The following ZNF589 variants were observed in gnomAD, a reference collection of about 807,000 sequenced individuals.
The protein encoded by ZNF589 is KRAB-zinc finger protein SZF1-1.
Under a neutral mutation model 13.6 loss-of-function variants are expected in ZNF589, and 17 were observed. The observed-to-expected ratio is 1.25, with a 90% CI of 0.86 to 1.88. The LOEUF (loss-of-function observed/expected upper bound fraction) is 1.88. ZNF589 is among the 40% of genes most tolerant of loss of function. ZNF589 has a pLI of 0.00. For synonymous variants in ZNF589, 148 were observed against 161.6 expected (o/e 0.92, Z 0.64); for missense variants, 407 against 434.0 (o/e 0.94, Z 0.55).
chr3:48,254,534 T>C (rs1487815387), intron 2 of ZNF589, among the ~76,000 whole-genome samples: 1 of 152,236 alleles, frequency 6.6e-6, no homozygotes, highest in East Asian at 1.9e-4. Context: ...TGGGTTTGCA[T>C]TGAATCTATA....
chr3:48,269,903 A>G lies in ZNF589; in HGVS notation c.*1117A>G. The G allele has an allele frequency of 2.6e-6, 1 of 382,486 alleles. No individual in the cohort carries two copies. The highest frequency in any genetic ancestry group is 5.2e-6 in the Non-Finnish European group (1 of 193,242). The allele number at this position is 382,486 out of a possible 1,614,324, so 23.7% of individuals were successfully genotyped here. On this transcript the variant is annotated 3_prime_UTR_variant, in exon 4 of 4. Transcript: ENST00000354698. ...GGCTGGAAGTGGCCCCTTAAGAGAT[A>G]CTTGGAGTCAAATCTATCCACTGTA...
intron 2 of ZNF589, among the ~76,000 whole-genome samples, chr3:48,256,038 T>C (rs77566041): frequency 6.6e-6 from 1 of 152,282 alleles, no homozygotes; most frequent in African/African-American, 2.4e-5. Flanking sequence ...CTTTTTTTTT[T>C]CAAGCCCATG....
Position 48,269,329 on chromosome 3 carries a change from C to T in ZNF589, c.*543C>T. On this transcript the variant is annotated 3_prime_UTR_variant, in exon 4 of 4. Transcript: ENST00000354698. ...TAGCTCAGTCAACCCTCCACTACCA[C>T]CGGAGTACACACTCCAAGGAAAAAC... The T allele has an allele frequency of 7.8e-7, 1 of 1,281,810 alleles. No homozygotes were observed. The highest frequency in any genetic ancestry group is 1.1e-6 in the Non-Finnish European group (1 of 920,898). 79.4% of individuals were successfully genotyped at this position (1,281,810 alleles called of 1,614,324 possible).
chr3:48,241,262 C>A (rs769764139), intron 1 of ZNF589, 48 bp downstream of exon 1: 1 of 1,601,386 alleles, frequency 6.2e-7, no homozygotes, highest in South Asian at 1.1e-5. Flanking sequence ...GCTCCAGCCG[C>A]AGGCGCCGCG....
chr3:48,256,636 G>A (rs2033905951), intron 2 of ZNF589: 4 of 972,786 alleles, frequency 4.1e-6, no homozygotes, highest in Non-Finnish European at 6.6e-6. Flanking sequence ...TGATCTTTCG[G>A]GGCAGCATGC....
At chr3:48,257,019 T>A in intron 2 of ZNF589, 1 of 552,280 alleles carries the variant, frequency 1.8e-6, no homozygotes, top group African/African-American at 1.9e-5. Context: ...TAAACCCAAG[T>A]GTGGTATGTA....
rs1158574938 is a variant in ZNF589, at chr3:48,269,375, G to T, written c.*589G>T. The T allele has an allele frequency of 2.6e-6, 2 of 766,350 alleles. No individual in the cohort carries two copies. The highest frequency in any genetic ancestry group is 4.1e-6 in the Non-Finnish European group (2 of 488,002). The allele number at this position is 766,350 out of a possible 1,614,324, so 47.5% of individuals were successfully genotyped here. ...AAAACCTTATGTGTGCAGCCAGTGT[G>T]GGCGAGGCTTTTGTGATAAATCAAC... On this transcript the variant is annotated 3_prime_UTR_variant, in exon 4 of 4. Transcript: ENST00000354698.
chr3:48,246,485 TTTA>T, intron 1 of ZNF589, among the ~76,000 whole-genome samples: 1 of 152,290 alleles, frequency 6.6e-6, no homozygotes, highest in Middle Eastern at 3.4e-3. Flanking sequence ...AATTATTATT[TTTA>T]TTATTAGAGA....
At chr3:48,264,964 G>A (rs1412087192) in intron 3 of ZNF589, among the ~76,000 whole-genome samples, 2 of 152,054 alleles carry the variant, frequency 1.3e-5, no homozygotes, top group Admixed American at 6.5e-5. Context: ...TGGGGGTCCA[G>A]TTGGCTTTAA....
intron 1 of ZNF589, among the ~76,000 whole-genome samples, chr3:48,245,808 A>G (rs2033757174): frequency 6.6e-6 from 1 of 151,892 alleles, no homozygotes; most frequent in East Asian, 1.9e-4. Context: ...TTAGCCAGGC[A>G]TGGTGGCAGG....
intron 2 of ZNF589, among the ~76,000 whole-genome samples, chr3:48,257,592 T>A (rs995713442): frequency 1.3e-5 from 2 of 152,168 alleles, no homozygotes; most frequent in Admixed American, 6.5e-5. Flanking sequence ...TATTATTATT[T>A]TTTTTAATGG....
Position 48,268,799 on chromosome 3 carries a change from G to T in ZNF589, c.*13G>T. On this transcript the variant is annotated 3_prime_UTR_variant, in exon 4 of 4. Transcript: ENST00000354698. ...GTGCAGAGATTGAGGCCGAGGCTTT[G>T]TAAGGAGATCATGTCTCAACACACA... 2 of 1,597,860 alleles carry T rather than the reference G, an allele frequency of 1.3e-6. No homozygotes were observed. Among genetic ancestry groups the T allele is most frequent in the Non-Finnish European group, 8.5e-7 (1 of 1,171,862 alleles).
chr3:48,249,490 G>T (rs985401433), intron 2 of ZNF589, among the ~76,000 whole-genome samples: 1 of 152,120 alleles, frequency 6.6e-6, no homozygotes. Context: ...TTATTAAGTA[G>T]AATTCAATAT....
intron 3 of ZNF589, among the ~76,000 whole-genome samples, chr3:48,261,141 A>G (rs2033966229): frequency 6.6e-6 from 1 of 152,174 alleles, no homozygotes; most frequent in Non-Finnish European, 1.5e-5. Context: ...ATATATGTCA[A>G]AGGATAATAA....
At chr3:48,255,313 T>G (rs1286227498) in intron 2 of ZNF589, among the ~76,000 whole-genome samples, 1 of 151,528 alleles carries the variant, frequency 6.6e-6, no homozygotes, top group African/African-American at 2.4e-5. Context: ...GTAGCTGGGA[T>G]TACAGGTGTG....
chr3:48,261,757 C>T (rs1025212991), intron 3 of ZNF589, among the ~76,000 whole-genome samples: 8 of 152,150 alleles, frequency 5.3e-5, no homozygotes, highest in African/African-American at 1.9e-4. Context: ...GATTTGTTCT[C>T]TTTGCATCTG....
At chr3:48,256,212 C>G (rs142552425) in intron 2 of ZNF589, 40 of 321,048 alleles carry the variant, frequency 1.2e-4, no homozygotes, top group South Asian at 6.9e-4. Flanking sequence ...CCACTGTCCC[C>G]TGTCCATACA....
At chr3:48,249,731 G>A (rs1341941447) in intron 2 of ZNF589, among the ~76,000 whole-genome samples, 1 of 152,154 alleles carries the variant, frequency 6.6e-6, no homozygotes. Flanking sequence ...TGTATACCTT[G>A]CGTAATGATC....
intron 2 of ZNF589, among the ~76,000 whole-genome samples, chr3:48,251,604 C>A (rs564209268): frequency 6.6e-6 from 1 of 151,098 alleles, no homozygotes. Flanking sequence ...CTTTAAGTTG[C>A]GGTGATTTTT....
Sources: allele counts gnomAD v4.1 joint callset (sites outside exome capture counted in the v4.1 genomes callset), GRCh38; gene constraint gnomAD v4.1.1; transcripts MANE v1.5; gene names NCBI Gene and HGNC (gene_info 2026-07-23, HGNC 2026-07-21).